VTCN1: variants seen among roughly 807,000 people sequenced by gnomAD.
The protein encoded by VTCN1 is V-set domain containing T cell activation inhibitor 1, also known as V-set domain-containing T-cell activation inhibitor 1.
VTCN1 carries 26 observed loss-of-function variants against 26.5 expected under a neutral mutation model. The observed-to-expected ratio is 0.98, with a 90% confidence interval of 0.72 to 1.36. The LOEUF (loss-of-function observed/expected upper bound fraction) is 1.36, where lower values mean the gene tolerates loss of function less well. Ranked by LOEUF, VTCN1 falls within the 40% of genes most tolerant of loss-of-function variation. The pLI is 0.00. For missense variants in VTCN1, 298 were observed against 337.7 expected (o/e 0.88, Z 0.92); for synonymous variants, 116 against 130.7 (o/e 0.89, Z 0.77).
At chr1:117,189,438 AT>A (rs1353001201) in intron 1 of VTCN1, among the ~76,000 whole-genome samples, 2 of 152,204 alleles carry the variant, frequency 1.3e-5, no homozygotes, top group East Asian at 3.9e-4. Context: ...GTCTGTGAGT[AT>A]TTAACTGTTT....
intron 1 of VTCN1, among the ~76,000 whole-genome samples, chr1:117,195,031 C>T (rs1022821701): frequency 6.6e-6 from 1 of 151,638 alleles, no homozygotes; most frequent in Non-Finnish European, 1.5e-5. Flanking sequence ...TTTGGGAGGC[C>T]GAGGTGGGTG....
Position 117,155,409 on chromosome 1 carries a change from A to C in VTCN1, c.445+1165T>G, listed in dbSNP as rs1652020328. 6.6e-6 allele frequency among the ~76,000 whole-genome samples: 1 copy of C among 152,182 alleles called. No homozygotes were observed. Among genetic ancestry groups the C allele is most frequent in the African/African-American group, 2.4e-5 (1 of 41,448 alleles). On this transcript the variant is annotated intron_variant, in intron 3 of 5. Coordinates refer to ENST00000369458, the MANE Select transcript of VTCN1 (RefSeq NM_024626.4). The surrounding 1 kb of genome is among the most constrained non-coding windows in gnomAD (Gnocchi z 4.8). ...TGGAGGGAAGAGATCTAAATAAATT[A>C]TTTGGAATTCATCTGTAAGGGGAAT...
intron 1 of VTCN1, among the ~76,000 whole-genome samples, chr1:117,181,492 C>G (rs1647670201): frequency 6.6e-6 from 1 of 152,226 alleles, no homozygotes. Context: ...CCCAGTTGCT[C>G]TCTGCTTAGA....
At chr1:117,168,032 A>G (rs1434732608) in intron 2 of VTCN1, among the ~76,000 whole-genome samples, 1 of 152,146 alleles carries the variant, frequency 6.6e-6, no homozygotes, top group Non-Finnish European at 1.5e-5. Context: ...TGAACAGGAA[A>G]AGAAATAAAT....
intron 1 of VTCN1, among the ~76,000 whole-genome samples, chr1:117,184,677 T>A (rs1647851077): frequency 6.6e-6 from 1 of 152,134 alleles, no homozygotes; most frequent in South Asian, 2.1e-4. Context: ...GTGCCCTTCT[T>A]CATGATGTGT....
At chr1:117,197,519 T>C (rs1362524789) in intron 1 of VTCN1, among the ~76,000 whole-genome samples, 1 of 152,164 alleles carries the variant, frequency 6.6e-6, no homozygotes, top group African/African-American at 2.4e-5. Flanking sequence ...GGGAGTATAC[T>C]GAGTAAACGA....
intron 2 of VTCN1, among the ~76,000 whole-genome samples, chr1:117,163,935 T>A (rs1652489837): frequency 6.6e-6 from 1 of 152,208 alleles, no homozygotes; most frequent in Admixed American, 6.5e-5. Flanking sequence ...CATTTTGGTG[T>A]TATCAGCACA....
In VTCN1 at chr1:117,147,666, G is replaced by C; in HGVS notation, c.841C>G (p.Leu281Val). 6.2e-7 allele frequency: 1 copy of C among 1,613,066 alleles called. No individual in the cohort carries two copies. The highest frequency in any genetic ancestry group is 8.5e-7 in the Non-Finnish European group (1 of 1,179,682). ...ALLPLSPYLM[L>V]K Reference sequence around the variant, plus strand: ...TTTGTGGCCGAGGCACATTATTTTAGCATCAGGTAAGGGCTGAGAGGCAGA... The same window carrying C: ...TTTGTGGCCGAGGCACATTATTTTACCATCAGGTAAGGGCTGAGAGGCAGA... The change falls in exon 5 of 6, where the codon CTA becomes GTA. Residue 281 changes from leucine to valine, a missense_variant. Leu to Val is a conservative substitution (Grantham distance 32, BLOSUM62 1). Coordinates refer to ENST00000369458, the MANE Select transcript of VTCN1 (RefSeq NM_024626.4). This position sits in a 1 kb window ranked among gnomAD's most constrained non-coding sequence, Gnocchi z 4.6.
chr1:117,157,991 C>T (rs1177637958), intron 2 of VTCN1, among the ~76,000 whole-genome samples: 1 of 152,218 alleles, frequency 6.6e-6, no homozygotes, highest in Non-Finnish European at 1.5e-5. Context: ...GGTCTCACAT[C>T]CAGGTCATGC....
chr1:117,207,604 C>T (rs892878910), intron 1 of VTCN1, among the ~76,000 whole-genome samples: 2 of 152,136 alleles, frequency 1.3e-5, no homozygotes, highest in Non-Finnish European at 2.9e-5. Context: ...CCAGGCCTGA[C>T]CTCTCCTAGT....
rs1284766557 is a variant in VTCN1 at position 117,146,250 on chromosome 1, C to T, written c.*46-1025G>A. The stretch of plus-strand genomic sequence containing the variant: ...TGCTTTTCACTCTACTAGTGAGATT[C>T]CCAAGGGACAGTTTCCTTAGGGAAA... On this transcript the variant is annotated intron_variant, in intron 5 of 5. Transcript: ENST00000369458. This position sits in a 1 kb window ranked among gnomAD's most constrained non-coding sequence, Gnocchi z 4.2. Among the ~76,000 whole-genome samples the T allele has an allele frequency of 6.6e-6, 1 of 152,138 alleles. No individual in the cohort carries two copies. Among genetic ancestry groups the T allele is most frequent in the Non-Finnish European group, 1.5e-5 (1 of 68,028 alleles).
chr1:117,169,069 G>A lies in VTCN1; in HGVS notation c.97+1038C>T, dbSNP rs542387231. On this transcript the variant is annotated intron_variant, in intron 2 of 5. Transcript: ENST00000369458. The surrounding 1 kb of genome is among the most constrained non-coding windows in gnomAD (Gnocchi z 4.0). ...ACTGGAATATAGAAAATAAAGTTAC[G>A]GAGCTTTGGTCACAGACTGAGTTAA... 2.4e-4 allele frequency among the ~76,000 whole-genome samples: 36 copies of A among 152,310 alleles called. No homozygotes were observed. The highest frequency in any genetic ancestry group is 8.4e-4 in the African/African-American group (35 of 41,572).
chr1:117,210,519 A>C (rs1354782467), intron 1 of VTCN1, among the ~76,000 whole-genome samples: 1 of 152,124 alleles, frequency 6.6e-6, no homozygotes, highest in Non-Finnish European at 1.5e-5. Flanking sequence ...TTGACATCTC[A>C]GGGGAATGCC....
chr1:117,153,461 ATTTT>A (rs57126217), intron 3 of VTCN1, 92 bp from the exon 4 acceptor site: 826 of 1,114,000 alleles, frequency 7.4e-4, no homozygotes, highest in Non-Finnish European at 7.9e-4. Context: ...AAATGCAGTC[ATTTT>A]TTTTTTTTTT....
intron 2 of VTCN1, among the ~76,000 whole-genome samples, chr1:117,166,734 C>G (rs1570953467): frequency 1.3e-5 from 2 of 151,092 alleles, no homozygotes; most frequent in African/African-American, 4.9e-5. Context: ...TTTAGCATTA[C>G]TATCTTTAAA....
At chr1:117,171,943 AG>A (rs944420751) in intron 1 of VTCN1, among the ~76,000 whole-genome samples, 9 of 152,126 alleles carry the variant, frequency 5.9e-5, no homozygotes, top group African/African-American at 2.2e-4. Context: ...GCACTCCATG[AG>A]GGGTCACCTG....
At position 117,143,678 on chromosome 1, in the gene VTCN1, C is replaced by T. The variant is rs1382029168; in HGVS notation, c.*1593G>A. The T allele has an allele frequency of 6.6e-6, 1 of 152,168 alleles. No homozygotes were observed. The highest frequency in any genetic ancestry group is 1.5e-5 in the Non-Finnish European group (1 of 68,034). 9.4% of individuals were successfully genotyped at this position (152,168 alleles called of 1,614,324 possible). A position where few individuals can be genotyped will look rare whatever the true frequency, so the allele number is the denominator to read the frequency against. ...ACAACATGTAATACAGTCACCGTGG[C>T]TCCAAGGTCCAGGAAGGCAGTGGTT... is the stretch of plus-strand genomic sequence containing the variant. On this transcript the variant is annotated 3_prime_UTR_variant, in exon 6 of 6. Coordinates refer to ENST00000369458, the MANE Select transcript of VTCN1 (RefSeq NM_024626.4).
intron 1 of VTCN1, among the ~76,000 whole-genome samples, chr1:117,208,007 C>G (rs1395251413): frequency 2.0e-5 from 3 of 152,156 alleles, no homozygotes; most frequent in African/African-American, 7.2e-5. Flanking sequence ...ACCTTGACCC[C>G]CCTCTGAAGG....
chr1:117,207,070 C>T (rs527258048), intron 1 of VTCN1, among the ~76,000 whole-genome samples: 23 of 152,236 alleles, frequency 1.5e-4, no homozygotes, highest in African/African-American at 4.8e-4. Context: ...CATGGTGTTG[C>T]GAGGCACTGT....
Sources: gnomAD v4.1 joint callset for allele counts (sites outside exome capture counted in the v4.1 genomes callset) on GRCh38, gnomAD v4.1.1 for gene constraint, Gnocchi (gnomAD v3.1) non-coding constraint, MANE v1.5 for transcripts, NCBI Gene and HGNC (gene_info 2026-07-23, HGNC 2026-07-21) for gene names.